MPPED1: variants seen among roughly 807,000 people sequenced by gnomAD.
The protein encoded by MPPED1 is metallophosphoesterase domain containing 1.
Under a neutral mutation model 36.2 loss-of-function variants are expected in MPPED1, and 16 were observed. The observed-to-expected ratio is 0.44, with a 90% CI of 0.30 to 0.67. MPPED1 has a LOEUF of 0.67. Ranked by LOEUF, MPPED1 falls within the 30% of genes least tolerant of loss-of-function variation. MPPED1 has a pLI of 0.10. For synonymous variants in MPPED1, 199 were observed against 191.3 expected (o/e 1.04, Z -0.33); for missense variants, 307 against 453.4 (o/e 0.68, Z 2.93).
intron 4 of MPPED1, among the ~76,000 whole-genome samples, chr22:43,493,165 A>C (rs1341746192): frequency 2.0e-5 from 3 of 152,134 alleles, no homozygotes; most frequent in Non-Finnish European, 4.4e-5. Flanking sequence ...TGGGGAGAGA[A>C]CATCAGATCT....
chr22:43,462,151 TG>T (rs1930978135), intron 3 of MPPED1, among the ~76,000 whole-genome samples: 1 of 152,228 alleles, frequency 6.6e-6, no homozygotes, highest in Admixed American at 6.5e-5. Context: ...AGTTTGCTTT[TG>T]TTGTAGGTTT....
At chr22:43,435,686 G>T (rs1246736787) in intron 3 of MPPED1, among the ~76,000 whole-genome samples, 1 of 152,062 alleles carries the variant, frequency 6.6e-6, no homozygotes, top group Non-Finnish European at 1.5e-5. Context: ...GTGAAACCTT[G>T]TCTCTACTAA....
intron 4 of MPPED1, among the ~76,000 whole-genome samples, chr22:43,495,966 T>A (rs1932316790): frequency 1.4e-5 from 2 of 138,558 alleles, no homozygotes; most frequent in South Asian, 2.4e-4. Context: ...GTGGTGGTGG[T>A]GGAGATGGTG....
At chr22:43,433,491 A>G (rs1157931988) in intron 2 of MPPED1, among the ~76,000 whole-genome samples, 1 of 151,126 alleles carries the variant, frequency 6.6e-6, no homozygotes, top group African/African-American at 2.4e-5. Context: ...AAAAGCTCCT[A>G]GCACCTCCCT....
rs135065 is a variant in MPPED1 at position 43,438,056 on chromosome 22, C to T, written c.406+2841C>T. 2.8e-3 allele frequency among the ~76,000 whole-genome samples: 432 copies of T among 152,332 alleles called. 1 individual carries two copies. Among genetic ancestry groups the T allele is most frequent in the Non-Finnish European group, 5.1e-3 (346 of 68,022 alleles). ...ATTGCTGAGCCTCACTGAGAGCCCA[C>T]GAGGTGCCAGGTGTGTCGCAAGCCC... is the stretch of plus-strand genomic sequence containing the variant. On this transcript the variant is annotated intron_variant, in intron 3 of 6. Coordinates refer to ENST00000443721, the MANE Select transcript of MPPED1 (RefSeq NM_001044370.2).
intron 4 of MPPED1, among the ~76,000 whole-genome samples, chr22:43,489,915 G>T (rs978368007): frequency 6.6e-6 from 1 of 152,204 alleles, no homozygotes; most frequent in Non-Finnish European, 1.5e-5. Flanking sequence ...TGGTGGTGCC[G>T]TCTAATCCTC....
intron 1 of MPPED1, among the ~76,000 whole-genome samples, chr22:43,421,396 C>G (rs1297823016): frequency 2.0e-5 from 3 of 152,268 alleles, no homozygotes; most frequent in Admixed American, 2.0e-4. Flanking sequence ...CTCCGGGAGC[C>G]TTGCCGCCTG....
At chr22:43,485,094 T>A (rs1462501816) in intron 4 of MPPED1, among the ~76,000 whole-genome samples, 3 of 151,702 alleles carry the variant, frequency 2.0e-5, no homozygotes, top group African/African-American at 7.3e-5. Context: ...CCATACACAC[T>A]CACATGCACG....
At chr22:43,471,437 C>T (rs984253454) in intron 3 of MPPED1, among the ~76,000 whole-genome samples, 2 of 152,210 alleles carry the variant, frequency 1.3e-5, no homozygotes, top group Non-Finnish European at 2.9e-5. Flanking sequence ...GGGGTGGGGT[C>T]AGCTGGACCA....
intron 2 of MPPED1, among the ~76,000 whole-genome samples, chr22:43,434,820 G>T (rs889216704): frequency 2.0e-4 from 31 of 152,228 alleles, no homozygotes; most frequent in Admixed American, 3.9e-4. Flanking sequence ...ACTGAGGCTT[G>T]GGGGCCAAAC....
chr22:43,473,058 G>C (rs73167974), intron 3 of MPPED1, among the ~76,000 whole-genome samples: 1 of 152,316 alleles, frequency 6.6e-6, no homozygotes, highest in Non-Finnish European at 1.5e-5. Flanking sequence ...TTTCCAATAA[G>C]AAAAACAATC....
At chr22:43,498,651 C>T (rs1475745999) in intron 5 of MPPED1, among the ~76,000 whole-genome samples, 20 of 152,064 alleles carry the variant, frequency 1.3e-4, no homozygotes, top group Admixed American at 1.1e-3. Flanking sequence ...ACCCCAGTCC[C>T]GGGTGCTGAA....
Position 43,502,519 on chromosome 22 carries a change from T to C in MPPED1, c.749-125T>C, listed in dbSNP as rs1602030273. ...TTCCGGAGAGCTTGCTAGGGGAGAGTGGTGCAAAGCCGGAGTCCGGAAGCC... is the reference window on the plus strand; with the variant it reads ...TTCCGGAGAGCTTGCTAGGGGAGAGCGGTGCAAAGCCGGAGTCCGGAAGCC... On this transcript the variant is annotated intron_variant, in intron 5 of 6. Transcript: ENST00000443721. This position sits in a 1 kb window ranked among gnomAD's most constrained non-coding sequence, Gnocchi z 5.5. The C allele has an allele frequency of 1.5e-6, 1 of 684,504 alleles. No homozygotes were observed. The highest frequency in any genetic ancestry group is 2.7e-5 in the East Asian group (1 of 37,060). The allele number at this position is 684,504 out of a possible 1,614,324, so 42.4% of individuals were successfully genotyped here.
chr22:43,457,830 A>G (rs1930808580), intron 3 of MPPED1, among the ~76,000 whole-genome samples: 1 of 152,208 alleles, frequency 6.6e-6, no homozygotes. Flanking sequence ...TATTATTGTC[A>G]TACAAATTAC....
chr22:43,438,613 T>C (rs1930044524), intron 3 of MPPED1, among the ~76,000 whole-genome samples: 1 of 151,892 alleles, frequency 6.6e-6, no homozygotes, highest in Non-Finnish European at 1.5e-5. Context: ...TGTTCCAGAG[T>C]CGATGTCTGG....
At chr22:43,415,225 C>CAAAAAAAAAAAAAAAAAAAAAGAAAAAAA (rs1929037245) in intron 1 of MPPED1, among the ~76,000 whole-genome samples, 1 of 49,414 alleles carries the variant, frequency 2.0e-5, no homozygotes, top group African/African-American at 8.2e-5. Flanking sequence ...ATGTCAAAAG[C>CAAAAAAAAAAAAAAAAAAAAAGAAAAAAA]AAAAAAAAAA....
At position 43,502,817 on chromosome 22, in the gene MPPED1, C is replaced by A; in HGVS notation, c.862+60C>A. On this transcript the variant is annotated intron_variant, in intron 6 of 6. Coordinates refer to ENST00000443721, the MANE Select transcript of MPPED1 (RefSeq NM_001044370.2). This position sits in a 1 kb window ranked among gnomAD's most constrained non-coding sequence, Gnocchi z 5.5. ...TAGGGGCTCCTAATGGACCCTCCAGCAGGACCTCCCCTTCGTTCAGCCAGA... is the reference window on the plus strand; with the variant it reads ...TAGGGGCTCCTAATGGACCCTCCAGAAGGACCTCCCCTTCGTTCAGCCAGA... The A allele has an allele frequency of 7.2e-7, 1 of 1,383,014 alleles. No individual in the cohort carries two copies. The highest frequency in any genetic ancestry group is 1.0e-6 in the Non-Finnish European group (1 of 972,398). The allele number at this position is 1,383,014 out of a possible 1,614,324, so 85.7% of individuals were successfully genotyped here. A position where few individuals can be genotyped will look rare whatever the true frequency, so the allele number is the denominator to read the frequency against.
intron 3 of MPPED1, among the ~76,000 whole-genome samples, chr22:43,456,396 GGAC>G (rs2146860412): frequency 6.6e-6 from 1 of 152,272 alleles, no homozygotes; most frequent in South Asian, 2.1e-4. Context: ...CAAATAGCTG[GGAC>G]TGCAGGTGTG....
chr22:43,437,794 G>GC (rs1446856813), intron 3 of MPPED1, among the ~76,000 whole-genome samples: 1 of 152,154 alleles, frequency 6.6e-6, no homozygotes, highest in Non-Finnish European at 1.5e-5. Context: ...TGTTATGATT[G>GC]CCCCCATGAA....
Sources: allele counts gnomAD v4.1 joint callset (sites outside exome capture counted in the v4.1 genomes callset), GRCh38; gene constraint gnomAD v4.1.1; non-coding constraint Gnocchi (gnomAD v3.1); transcripts MANE v1.5; gene names NCBI Gene and HGNC (gene_info 2026-07-23, HGNC 2026-07-21).